Variants in GCNT2 observed in about 807,000 individuals in gnomAD.
GCNT2 encodes the protein N-acetyllactosaminide beta-1,6-N-acetylglucosaminyl-transferase.
GCNT2 carries 34 observed loss-of-function variants against 34.2 expected under a neutral mutation model. That is an observed-to-expected ratio of 1.00 (90% CI 0.76 to 1.32). The LOEUF is 1.32. Ranked by LOEUF, GCNT2 falls within the 40% of genes most tolerant of loss-of-function variation. GCNT2 has a pLI of 0.00. For synonymous variants in GCNT2, 212 were observed against 188.0 expected (o/e 1.13, Z -1.04); for missense variants, 584 against 489.4 (o/e 1.19, Z -1.82).
chr6:10,600,333 A>G (rs769140376), intron 3 of GCNT2, among the ~76,000 whole-genome samples: 3 of 152,224 alleles, frequency 2.0e-5, no homozygotes. Context: ...TTTGAAATGT[A>G]TACATTTACC....
intron 3 of GCNT2, among the ~76,000 whole-genome samples, chr6:10,566,450 T>A (rs1044699963): frequency 2.0e-5 from 3 of 152,140 alleles, no homozygotes; most frequent in African/African-American, 7.2e-5. Context: ...GGTGCCACCA[T>A]GCCCAGCTAA....
intron 3 of GCNT2, among the ~76,000 whole-genome samples, chr6:10,585,363 T>A (rs762853786): frequency 6.6e-6 from 1 of 152,016 alleles, no homozygotes; most frequent in Non-Finnish European, 1.5e-5. Flanking sequence ...TTTTTCATTA[T>A]CTGTGTCTGT....
chr6:10,537,240 C>T (rs1374526193), intron 3 of GCNT2, among the ~76,000 whole-genome samples: 1 of 152,162 alleles, frequency 6.6e-6, no homozygotes, highest in Admixed American at 6.5e-5. Flanking sequence ...ATTGTCTTCC[C>T]TCTTCACTGA....
intron 3 of GCNT2, among the ~76,000 whole-genome samples, chr6:10,541,032 C>T (rs1350885576): frequency 2.0e-5 from 3 of 152,114 alleles, no homozygotes; most frequent in Non-Finnish European, 2.9e-5. Context: ...ATTTTAAGTT[C>T]GGGTACGTGT....
intron 3 of GCNT2, among the ~76,000 whole-genome samples, chr6:10,587,416 C>T (rs9466860): frequency 0.13 from 19,398 of 152,134 alleles, 1,376 homozygotes; most frequent in Middle Eastern, 0.17. Context: ...CTGGCTGAAA[C>T]ATCTCTGGTT....
At chr6:10,597,941 C>T (rs771889442) in intron 3 of GCNT2, among the ~76,000 whole-genome samples, 2 of 152,168 alleles carry the variant, frequency 1.3e-5, no homozygotes, top group Non-Finnish European at 2.9e-5. Flanking sequence ...AAAGTGCTTT[C>T]GAGTACTGTG....
rs1491444651 is a variant in GCNT2, at chr6:10,534,138, GCT to G, written c.925+4305_925+4306del. 3.3e-3 allele frequency among the ~76,000 whole-genome samples: 235 copies of G among 72,018 alleles called. 49 individuals are homozygous for G. Among genetic ancestry groups the G allele is most frequent in the Middle Eastern group, 0.01 (1 of 96 alleles). 47.2% of individuals were successfully genotyped at this position (72,018 alleles called of 152,430 possible). A position where few individuals can be genotyped will look rare whatever the true frequency, so the allele number is the denominator to read the frequency against. On this transcript the variant is annotated intron_variant, in intron 3 of 4. Coordinates refer to ENST00000495262, the MANE Select transcript of GCNT2 (RefSeq NM_145649.5). Reference sequence around the variant, plus strand: ...CCTGGTATCTGCCAGATTCCATGCTGCTCTTTTTTTTTTTTTTTTTTAAGATG... The same window carrying G: ...CCTGGTATCTGCCAGATTCCATGCTGCTTTTTTTTTTTTTTTTTTAAGATG...
chr6:10,569,046 A>G (rs1443237189), intron 3 of GCNT2, among the ~76,000 whole-genome samples: 5 of 152,084 alleles, frequency 3.3e-5, no homozygotes, highest in Admixed American at 2.0e-4. Context: ...CGACTAGACT[A>G]TAATGTCTTT....
chr6:10,559,948 C>G (rs1762897381), intron 3 of GCNT2, among the ~76,000 whole-genome samples: 1 of 152,254 alleles, frequency 6.6e-6, no homozygotes, highest in Admixed American at 6.5e-5. Flanking sequence ...AGTAGTGCCT[C>G]TCTCTACCTT....
At position 10,528,924 on chromosome 6, in the gene GCNT2, T is replaced by TG. The variant is rs778476964; in HGVS notation, c.15dup (p.Lys6GlufsTer6). The TG allele has an allele frequency of 1.2e-6, 2 of 1,613,076 alleles. No homozygotes were observed. The highest frequency in any genetic ancestry group is 1.3e-5 in the African/African-American group (1 of 74,916). ...TTCCTGGTTGTGAATGATGGGCTCT[T>TG]GGAAGCACTGTCTTTTTAGCGCGTC... On this transcript the variant is annotated frameshift_variant, in exon 3 of 5. Transcript: ENST00000495262. LOFTEE classifies it high-confidence loss of function.
chr6:10,537,712 AAAAAAAAAAAAAAAC>A lies in GCNT2; in HGVS notation c.925+7881_925+7895del, dbSNP rs1238930267. Among the ~76,000 whole-genome samples, 68 of 57,762 alleles carry A rather than the reference AAAAAAAAAAAAAAAC, an allele frequency of 1.2e-3. 1 individual carries two copies. Among genetic ancestry groups the A allele is most frequent in the African/African-American group, 2.7e-3 (66 of 24,002 alleles). 37.9% of individuals were successfully genotyped at this position (57,762 alleles called of 152,430 possible). On this transcript the variant is annotated intron_variant, in intron 3 of 4. Transcript: ENST00000495262. ...AGATTCTGCCGCAAAAAAAAAAAAA[AAAAAAAAAAAAAAAC>A]AAAACAAAGAAAACGAAAGAAAATG...
intron 3 of GCNT2, chr6:10,586,707 G>T: frequency 6.2e-7 from 1 of 1,614,044 alleles, no homozygotes; most frequent in Non-Finnish European, 8.5e-7. Context: ...TACAGATAAA[G>T]GTGGCTTTTT....
chr6:10,556,488 TCTC>T (rs1762710090), intron 3 of GCNT2: 1 of 1,614,046 alleles, frequency 6.2e-7, no homozygotes, highest in African/African-American at 1.3e-5. Flanking sequence ...TTTATCGTCT[TCTC>T]TGTGTTCAAT....
chr6:10,524,756 G>A (rs1432610148), intron 1 of GCNT2, among the ~76,000 whole-genome samples: 1 of 151,986 alleles, frequency 6.6e-6, no homozygotes, highest in African/African-American at 2.4e-5. Context: ...TTGAACCTGG[G>A]AGGCCGAGGT....
At chr6:10,607,633 G>T (rs1765381069) in intron 3 of GCNT2, among the ~76,000 whole-genome samples, 1 of 152,112 alleles carries the variant, frequency 6.6e-6, no homozygotes, top group African/African-American at 2.4e-5. Flanking sequence ...ATTTTTAATA[G>T]CTCTGTAGAG....
intron 3 of GCNT2, 105 bp downstream of exon 3, chr6:10,529,941 G>A (rs991214166): frequency 6.5e-5 from 61 of 941,386 alleles, no homozygotes; most frequent in Admixed American, 1.1e-4. Context: ...ACTTCTTTAC[G>A]GTTTTAAATG....
rs376362644 is a variant in GCNT2, at chr6:10,527,190, G to A, written c.-468-284G>A. Among the ~76,000 whole-genome samples, 36 of 152,286 alleles carry A rather than the reference G, an allele frequency of 2.4e-4. No individual in the cohort carries two copies. In the East Asian group the frequency reaches 6.6e-3, roughly 28 times the overall value. On this transcript the variant is annotated intron_variant, in intron 1 of 4. Transcript: ENST00000495262. The stretch of plus-strand genomic sequence containing the variant: ...TGTAATCCCAGCACTTTGGGAGGCC[G>A]AGGCGGGTGGATCACCTGAGGTCAG...
intron 3 of GCNT2, among the ~76,000 whole-genome samples, chr6:10,617,009 G>A (rs1765798472): frequency 6.6e-6 from 1 of 152,192 alleles, no homozygotes; most frequent in Admixed American, 6.5e-5. Context: ...AGTGGATCCC[G>A]CACCAGGGCC....
intron 3 of GCNT2, chr6:10,575,358 A>ATTTT: frequency 7.3e-6 from 1 of 137,702 alleles, no homozygotes; most frequent in Non-Finnish European, 1.5e-5. Flanking sequence ...CTGGGTTGAC[A>ATTTT]TTTTTTTTTT....
Sources: allele counts gnomAD v4.1 joint callset (sites outside exome capture counted in the v4.1 genomes callset), GRCh38; gene constraint gnomAD v4.1.1; transcripts MANE v1.5; gene names NCBI Gene and HGNC (gene_info 2026-07-23, HGNC 2026-07-21).